SHROOM3: variants seen among roughly 807,000 people sequenced by gnomAD.
SHROOM3 encodes shroom family member 3.
Under a neutral mutation model 138.6 loss-of-function variants are expected in SHROOM3, and 47 were observed. The ratio of observed to expected loss-of-function variants is 0.34; its 90% CI spans 0.27 to 0.43. The LOEUF is 0.43. Among genes scored for constraint, SHROOM3 ranks in the 20% least tolerant of loss-of-function variants. The probability of loss-of-function intolerance (pLI) is 1.00; values close to 1 mark genes in which losing one functional copy is unlikely to be tolerated. For synonymous variants in SHROOM3, 1,062 were observed against 1,063.3 expected (o/e 1.00, Z 0.02); for missense variants, 2,491 against 2,596.5 (o/e 0.96, Z 0.88).
intron 1 of SHROOM3, among the ~76,000 whole-genome samples, chr4:76,544,020 C>T (rs957265971): frequency 2.6e-5 from 4 of 152,188 alleles, no homozygotes; most frequent in East Asian, 3.8e-4. Flanking sequence ...CCATTATCCT[C>T]ACTGTTCCAC....
intron 1 of SHROOM3, among the ~76,000 whole-genome samples, chr4:76,467,227 G>C (rs995126785): frequency 6.6e-6 from 1 of 151,740 alleles, no homozygotes; most frequent in Non-Finnish European, 1.5e-5. Flanking sequence ...AAAAATTTTT[G>C]GTAGAGATGG....
chr4:76,705,307 AAAC>A (rs147261587), intron 2 of SHROOM3, among the ~76,000 whole-genome samples: 20,723 of 150,860 alleles, frequency 0.14, 1,746 homozygotes, highest in African/African-American at 0.22. Context: ...CCGTCTCTAC[AAAC>A]AACAACAACA....
intron 2 of SHROOM3, among the ~76,000 whole-genome samples, chr4:76,593,978 T>A (rs2110050633): frequency 6.6e-6 from 1 of 152,350 alleles, no homozygotes; most frequent in East Asian, 1.9e-4. Flanking sequence ...GGACTGGAGC[T>A]GTTTTTTCTT....
At chr4:76,644,135 C>T (rs1735754745) in intron 2 of SHROOM3, 1 of 151,922 alleles carries the variant, frequency 6.6e-6, no homozygotes, top group Non-Finnish European at 1.5e-5. Flanking sequence ...TGAGCCACCA[C>T]ACCCAGCCCA....
chr4:76,484,054 G>A (rs893552788), intron 1 of SHROOM3, among the ~76,000 whole-genome samples: 2 of 152,094 alleles, frequency 1.3e-5, no homozygotes, highest in African/African-American at 4.8e-5. Context: ...TTGACGGGTT[G>A]ATGGGTGCAG....
Position 76,779,034 on chromosome 4 carries a change from A to T in SHROOM3, c.5848A>T (p.Lys1950Ter). The change falls in exon 11 of 11, where the codon AAG becomes TAG. Residue 1950 changes from lysine (K) to a stop codon, truncating the protein, a stop_gained. Transcript: ENST00000296043. LOFTEE classifies it low-confidence loss of function (END_TRUNC). ...DKIKLGQEQV[K>*]CLLESLPSDF... is the part of the protein sequence containing the mutation. ...GATCAAGCTGGGCCAGGAGCAGGTC[A>T]AGTGTCTGCTGGAGAGCCTGCCCTC... 1 of 1,614,240 alleles carries T rather than the reference A, an allele frequency of 6.2e-7. No individual in the cohort carries two copies. The highest frequency in any genetic ancestry group is 8.5e-7 in the Non-Finnish European group (1 of 1,180,046).
intron 1 of SHROOM3, among the ~76,000 whole-genome samples, chr4:76,544,117 G>A (rs1382174782): frequency 6.6e-6 from 1 of 152,124 alleles, no homozygotes; most frequent in Non-Finnish European, 1.5e-5. Flanking sequence ...GAATCTTAGA[G>A]CCAAATTTGC....
intron 2 of SHROOM3, among the ~76,000 whole-genome samples, chr4:76,703,239 A>G (rs1719953141): frequency 6.6e-6 from 1 of 152,184 alleles, no homozygotes; most frequent in Non-Finnish European, 1.5e-5. Context: ...TGGCATGCCT[A>G]TGACTAAAAC....
chr4:76,773,305 C>T (rs1158977273), intron 10 of SHROOM3, among the ~76,000 whole-genome samples: 2 of 143,072 alleles, frequency 1.4e-5, no homozygotes, highest in Non-Finnish European at 3.0e-5. Context: ...ACCCGGGAAG[C>T]GGAGGTTGCA....
chr4:76,632,091 T>C (rs1429003896), intron 2 of SHROOM3, among the ~76,000 whole-genome samples: 1 of 151,846 alleles, frequency 6.6e-6, no homozygotes, highest in Admixed American at 6.6e-5. Flanking sequence ...GTTTGTAGAG[T>C]AGAGGTTGAG....
At chr4:76,608,528 GGCATAGCATAGCATA>G (rs66571570) in intron 2 of SHROOM3, among the ~76,000 whole-genome samples, 6,481 of 112,666 alleles carry the variant, frequency 0.058, 251 homozygotes, top group African/African-American at 0.1. Flanking sequence ...GGACAGAGAT[GGCATAGCATAGCATA>G]GCATAGCATA....
chr4:76,625,818 A>G (rs1018437480), intron 2 of SHROOM3, among the ~76,000 whole-genome samples: 9 of 152,194 alleles, frequency 5.9e-5, no homozygotes, highest in African/African-American at 2.2e-4. Flanking sequence ...ATTGTATTTA[A>G]ACTTCTCTCT....
At position 76,754,615 on chromosome 4, in the gene SHROOM3, C is replaced by T. The variant is rs1453291019; in HGVS notation, c.4132C>T (p.Leu1378Phe). 2.5e-6 allele frequency: 4 copies of T among 1,614,070 alleles called. No individual in the cohort carries two copies. Among genetic ancestry groups the T allele is most frequent in the Non-Finnish European group, 3.4e-6 (4 of 1,180,036 alleles). Reference protein sequence around the residue: ...SQDGQTGRQPLPPYTPAMMHR... With the variant: ...SQDGQTGRQPFPPYTPAMMHR... ...GGACGGTCAGACAGGGCGACAGCCT[C>T]TCCCGCCCTACACCCCTGCCATGAT... Residue 1378 changes from leucine (L) to phenylalanine (F), a missense_variant, in exon 7 of 11, where the codon CTC (leucine) becomes TTC (phenylalanine). Physicochemically the swap from Leu to Phe is conservative, Grantham distance 22. Coordinates refer to ENST00000296043, the MANE Select transcript of SHROOM3 (RefSeq NM_020859.4).
chr4:76,740,084 C>T lies in SHROOM3; in HGVS notation c.1911C>T (p.Asn637=), dbSNP rs746998421. The change falls in exon 5 of 11, where the codon AAC becomes AAT. Residue 637 remains asparagine, a synonymous_variant. Coordinates refer to ENST00000296043, the MANE Select transcript of SHROOM3 (RefSeq NM_020859.4). This position sits in a 1 kb window ranked among gnomAD's most constrained non-coding sequence, Gnocchi z 4.0. The part of the protein sequence containing the change: ...EGDFQEDHNA[N]LWRRLEREGL... ...ATTTCCAGGAAGACCACAATGCCAA[C>T]CTCTGGAGGAGGCTGGAGAGAGAAG... 6.8e-6 allele frequency: 11 copies of T among 1,613,790 alleles called. No homozygotes were observed. Among genetic ancestry groups the T allele is most frequent in the Non-Finnish European group, 9.3e-6 (11 of 1,180,034 alleles).
intron 1 of SHROOM3, among the ~76,000 whole-genome samples, chr4:76,520,857 T>C (rs1486307763): frequency 6.6e-6 from 1 of 152,232 alleles, no homozygotes; most frequent in South Asian, 2.1e-4. Context: ...TGTGTGGAGT[T>C]AATTCACATC....
chr4:76,514,853 A>G (rs1378742653), intron 1 of SHROOM3, among the ~76,000 whole-genome samples: 3 of 152,216 alleles, frequency 2.0e-5, no homozygotes, highest in Admixed American at 1.3e-4. Context: ...AGTGGCTGAC[A>G]TCTGTAATCC....
At position 76,740,506 on chromosome 4, in the gene SHROOM3, A is replaced by C. The variant is rs138214662; in HGVS notation, c.2333A>C (p.His778Pro). 6.2e-7 allele frequency: 1 copy of C among 1,613,708 alleles called. No individual in the cohort carries two copies. The highest frequency in any genetic ancestry group is 1.1e-5 in the South Asian group (1 of 91,080). The change falls in exon 5 of 11, where the codon CAC (histidine) becomes CCC (proline). Residue 778 changes from histidine (H) to proline (P), a missense_variant. This residue lies in a region of SHROOM3 where 1,733 missense variants were observed against 1,661.6 expected (regional missense o/e 1.04). Coordinates refer to ENST00000296043, the MANE Select transcript of SHROOM3 (RefSeq NM_020859.4). This position sits in a 1 kb window ranked among gnomAD's most constrained non-coding sequence, Gnocchi z 4.0. Reference sequence around the variant, plus strand: ...CAGGGCTTTCAGTACGGGAAGCCCCACTGCTCGGTGCTGGAGAAGGTCTCC... The same window carrying C: ...CAGGGCTTTCAGTACGGGAAGCCCCCCTGCTCGGTGCTGGAGAAGGTCTCC... ...ALQGFQYGKPHCSVLEKVSKF... is the reference protein window; with the variant it reads ...ALQGFQYGKPPCSVLEKVSKF...
intron 1 of SHROOM3, among the ~76,000 whole-genome samples, chr4:76,543,642 T>G (rs1265198317): frequency 2.6e-5 from 4 of 151,986 alleles, no homozygotes; most frequent in Non-Finnish European, 5.9e-5. Context: ...GCTTACAGAG[T>G]GGTCATCATC....
Position 76,755,008 on chromosome 4 carries a change from T to C in SHROOM3, c.4525T>C (p.Phe1509Leu). The C allele has an allele frequency of 1.2e-6, 2 of 1,610,894 alleles. No individual in the cohort carries two copies. Among genetic ancestry groups the C allele is most frequent in the African/African-American group, 2.7e-5 (2 of 74,900 alleles). ...PPHEDYEDEV[F>L]VRDPHPKATS... ...TCATGAGGATTATGAAGACGAAGTG[T>C]TTGTGAGGGATCCGCACCCCAAGGC... Residue 1509 changes from phenylalanine to leucine, a missense_variant, in exon 7 of 11, where the codon TTT (phenylalanine) becomes CTT (leucine). By Grantham distance (22) the Phe-to-Leu change is conservative. Around this residue, in one of 4 missense-constraint regions of SHROOM3, gnomAD observed 1,733 missense variants for 1,661.6 expected, o/e 1.04. Coordinates refer to ENST00000296043, the MANE Select transcript of SHROOM3 (RefSeq NM_020859.4).
Sources: allele counts gnomAD v4.1 joint callset (sites outside exome capture counted in the v4.1 genomes callset), GRCh38; gene constraint gnomAD v4.1.1; regional missense constraint gnomAD v4.1.1; non-coding constraint Gnocchi (gnomAD v3.1); transcripts MANE v1.5; gene names NCBI Gene and HGNC (gene_info 2026-07-23, HGNC 2026-07-21).